COL11A1: variants seen among roughly 807,000 people sequenced by gnomAD.
COL11A1 encodes collagen alpha-1(XI) chain.
Under a neutral mutation model 265.2 loss-of-function variants are expected in COL11A1, and 74 were observed. The observed-to-expected ratio is 0.28, with a 90% CI of 0.23 to 0.34. The LOEUF is 0.34. COL11A1 is among the 10% of genes least tolerant of loss of function. The pLI is 1.00. For missense variants in COL11A1, 2,165 were observed against 2,263.6 expected (o/e 0.96, Z 0.88); for synonymous variants, 816 against 727.6 (o/e 1.12, Z -1.96).
At position 102,995,853 on chromosome 1, in the gene COL11A1, T is replaced by G; in HGVS notation, c.2340+11A>C. The G allele has an allele frequency of 6.2e-7, 1 of 1,600,132 alleles. No individual in the cohort carries two copies. Among genetic ancestry groups the G allele is most frequent in the Admixed American group, 1.7e-5 (1 of 59,882 alleles). On this transcript the variant is annotated intron_variant, in intron 28 of 66. Coordinates refer to ENST00000370096, the MANE Select transcript of COL11A1 (RefSeq NM_001854.4). Reference sequence around the variant, plus strand: ...ACAGAAATTAATACCATCTAAACAATTAAATTTTACCTTTTCACCTTTAGA... The same window carrying G: ...ACAGAAATTAATACCATCTAAACAAGTAAATTTTACCTTTTCACCTTTAGA...
At chr1:103,092,636 C>T (rs529278970) in intron 1 of COL11A1, among the ~76,000 whole-genome samples, 52 of 152,180 alleles carry the variant, frequency 3.4e-4, no homozygotes, top group Non-Finnish European at 6.3e-4. Context: ...TTGTGGTGAA[C>T]CCAAATGTGG....
intron 28 of COL11A1, among the ~76,000 whole-genome samples, chr1:102,990,074 A>G (rs1450349572): frequency 6.6e-6 from 1 of 152,044 alleles, no homozygotes; most frequent in Non-Finnish European, 1.5e-5. Flanking sequence ...AATCTCAGCC[A>G]CTAAAAAAGC....
In COL11A1 at chr1:103,034,170, T is replaced by A. The variant is rs1457678504; in HGVS notation, c.652-2926A>T. Among the ~76,000 whole-genome samples the A allele has an allele frequency of 3.3e-5, 5 of 152,122 alleles. 1 individual carries two copies. The highest frequency in any genetic ancestry group is 1.2e-4 in the African/African-American group (5 of 41,442). On this transcript the variant is annotated intron_variant, in intron 4 of 66. Coordinates refer to ENST00000370096, the MANE Select transcript of COL11A1 (RefSeq NM_001854.4). ...TGTTTTTTGATGTTTGATTATGATG[T>A]ATCTGGATGTAGATTTTACAAGTTT...
In COL11A1 at chr1:103,025,920, C is replaced by G. The variant is rs1416078010; in HGVS notation, c.897+296G>C. On this transcript the variant is annotated intron_variant, in intron 6 of 66. Coordinates refer to ENST00000370096, the MANE Select transcript of COL11A1 (RefSeq NM_001854.4). ...TTTCCTTTGATTTAGTAGCCACTGT[C>G]CTCATCTTCTTTTTGAAATTGGATT... The G allele has an allele frequency of 1.9e-6, 3 of 1,612,412 alleles. No individual in the cohort carries two copies. In the Admixed American group the frequency reaches 5.0e-5, roughly 27 times the overall value.
chr1:103,027,675 T>G (rs1008554547), intron 5 of COL11A1, among the ~76,000 whole-genome samples: 2 of 151,790 alleles, frequency 1.3e-5, no homozygotes, highest in African/African-American at 4.8e-5. Context: ...TTTTAGAAAA[T>G]TGTGATCACA....
chr1:103,056,132 C>T (rs1016508156), intron 4 of COL11A1, among the ~76,000 whole-genome samples: 1 of 152,134 alleles, frequency 6.6e-6, no homozygotes, highest in African/African-American at 2.4e-5. Context: ...CTGAGCAGAA[C>T]AACTGTTGTC....
At chr1:102,970,378 C>T (rs1661849618) in intron 36 of COL11A1, 106 bp from the exon 37 acceptor site, 15 of 805,968 alleles carry the variant, frequency 1.9e-5, no homozygotes, top group Admixed American at 1.2e-4. Flanking sequence ...TTTCCATTAG[C>T]TATTTTACTT....
At chr1:103,000,587 A>G (rs1431441791) in intron 24 of COL11A1, among the ~76,000 whole-genome samples, 3 of 151,942 alleles carry the variant, frequency 2.0e-5, no homozygotes, top group African/African-American at 7.2e-5. Context: ...GAATGATCGT[A>G]ATCAAGAAGA....
intron 11 of COL11A1, among the ~76,000 whole-genome samples, chr1:103,017,051 C>T (rs1265411383): frequency 6.6e-6 from 1 of 151,886 alleles, no homozygotes; most frequent in Non-Finnish European, 1.5e-5. Flanking sequence ...ACATAAATGT[C>T]TCCAAGAAAC....
At position 102,926,722 on chromosome 1, in the gene COL11A1, C is replaced by T. The variant is rs569872479; in HGVS notation, c.3601-3333G>A. ...ATAAACATAATCTACAAGACACCTA[C>T]TTTAATCATGAGAACTGTTTCTAAA... On this transcript the variant is annotated intron_variant, in intron 46 of 66. Transcript: ENST00000370096. Among the ~76,000 whole-genome samples, 19 of 152,196 alleles carry T rather than the reference C, an allele frequency of 1.2e-4. No homozygotes were observed. The South Asian group carries it at 2.5e-3, about 20-fold the overall frequency.
In COL11A1 at chr1:102,958,754, C is replaced by G. The variant is rs189246501; in HGVS notation, c.3168+3112G>C. 3.3e-5 allele frequency among the ~76,000 whole-genome samples: 5 copies of G among 152,326 alleles called. No homozygotes were observed. The East Asian group carries it at 9.6e-4, about 29-fold the overall frequency. ...TCAAATAAACACAGTGAGCATCTAT[C>G]AAGCATATCTATTAGCAAAGTATAA... On this transcript the variant is annotated intron_variant, in intron 41 of 66. Transcript: ENST00000370096.
At position 102,879,856 on chromosome 1, in the gene COL11A1, G is replaced by A. The variant is rs779569161; in HGVS notation, c.5101C>T (p.Leu1701Phe). The A allele has an allele frequency of 3.1e-6, 5 of 1,613,782 alleles. No individual in the cohort carries two copies. In the African/African-American group the frequency reaches 4.0e-5, roughly 13 times the overall value. The change falls in exon 66 of 67, where the codon CTT becomes TTT. Residue 1701 changes from leucine (L) to phenylalanine (F), a missense_variant. By Grantham distance (22) the Leu-to-Phe change is conservative. Coordinates refer to ENST00000370096, the MANE Select transcript of COL11A1 (RefSeq NM_001854.4). ...INMVQMTFLK[L>F]LTASARQNFT... ...TTTTGCCGAGCAGAGGCAGTCAGAAGTTTCAGGAATGTCATTTGCACCATA... is the reference window on the plus strand; with the variant it reads ...TTTTGCCGAGCAGAGGCAGTCAGAAATTTCAGGAATGTCATTTGCACCATA...
At chr1:103,017,639 T>C (rs2101913864) in intron 11 of COL11A1, among the ~76,000 whole-genome samples, 181 bp downstream of exon 11, 1 of 152,288 alleles carries the variant, frequency 6.6e-6, no homozygotes, top group East Asian at 1.9e-4. Context: ...ATGCACATTG[T>C]TTTCCTCACT....
chr1:103,025,587 T>C lies in COL11A1; in HGVS notation c.924A>G (p.Glu308=), dbSNP rs1010235940. 5.0e-6 allele frequency: 8 copies of C among 1,613,660 alleles called. No individual in the cohort carries two copies. In the Admixed American group the frequency reaches 1.2e-4, roughly 24 times the overall value. The change falls in exon 7 of 67, where the codon GAA becomes GAG. Residue 308 remains glutamate (E), a synonymous_variant. Coordinates refer to ENST00000370096, the MANE Select transcript of COL11A1 (RefSeq NM_001854.4). The part of the protein sequence containing the change: ...TEANIVDDFQ[E]YNYGTMESYQ... Reference sequence around the variant, plus strand: ...AACTTTCCATTGTTCCATAGTTGTATTCTTGAAAATCATCAACGATGTTTG... The same window carrying C: ...AACTTTCCATTGTTCCATAGTTGTACTCTTGAAAATCATCAACGATGTTTG...
intron 49 of COL11A1, among the ~76,000 whole-genome samples, chr1:102,916,336 T>C (rs1655339110): frequency 1.3e-5 from 2 of 152,198 alleles, no homozygotes; most frequent in African/African-American, 4.8e-5. Context: ...CTGTAACTAG[T>C]AGGGTTTAGC....
chr1:103,103,627 A>C (rs993334433), intron 1 of COL11A1, among the ~76,000 whole-genome samples: 2 of 151,950 alleles, frequency 1.3e-5, no homozygotes, highest in Non-Finnish European at 2.9e-5. Flanking sequence ...AACTCTAGCA[A>C]ATATATGGTC....
intron 59 of COL11A1, 112 bp from the exon 60 acceptor site, chr1:102,889,031 C>A (rs914841891): frequency 1.1e-5 from 11 of 971,534 alleles, no homozygotes; most frequent in Non-Finnish European, 1.8e-5. Flanking sequence ...TTAGAGAATG[C>A]AAAAATATTT....
chr1:103,035,448 G>T (rs1431447634), intron 4 of COL11A1, among the ~76,000 whole-genome samples: 2 of 152,008 alleles, frequency 1.3e-5, no homozygotes, highest in Admixed American at 6.6e-5. Context: ...TGACATAAAT[G>T]AAATATTATG....
At chr1:102,989,672 T>A in intron 28 of COL11A1, 101 bp from the exon 29 acceptor site, 1 of 758,376 alleles carries the variant, frequency 1.3e-6, no homozygotes, top group Non-Finnish European at 2.2e-6. Flanking sequence ...GAGGGAAAAT[T>A]ATTTTTGAGA....
Sources: allele counts gnomAD v4.1 joint callset (sites outside exome capture counted in the v4.1 genomes callset), GRCh38; gene constraint gnomAD v4.1.1; transcripts MANE v1.5; gene names NCBI Gene and HGNC (gene_info 2026-07-23, HGNC 2026-07-21).